Variants in ITPR1 observed in about 807,000 individuals in gnomAD.
ITPR1 encodes the protein inositol 1,4,5-trisphosphate receptor type 1.
In ITPR1, 96 loss-of-function variants were observed where a neutral mutation model predicts 318.4. The ratio of observed to expected loss-of-function variants is 0.30; its 90% CI spans 0.26 to 0.36. The LOEUF is 0.36. ITPR1 is among the 10% of genes least tolerant of loss of function. ITPR1 has a pLI of 1.00. For synonymous variants in ITPR1, 1,312 were observed against 1,289.9 expected (o/e 1.02, Z -0.37); for missense variants, 2,440 against 3,460.2 (o/e 0.71, Z 7.40).
chr3:4,769,437 T>C (rs1293798820), intron 46 of ITPR1, among the ~76,000 whole-genome samples: 1 of 152,254 alleles, frequency 6.6e-6, no homozygotes, highest in Non-Finnish European at 1.5e-5. Flanking sequence ...TAATTAAATA[T>C]ATTAGATTTC....
At chr3:4,805,404 T>G (rs1168151849) in intron 54 of ITPR1, among the ~76,000 whole-genome samples, 1 of 152,206 alleles carries the variant, frequency 6.6e-6, no homozygotes, top group African/African-American at 2.4e-5. Context: ...TTTGGTCCTG[T>G]GTCTATCTCT....
chr3:4,528,388 A>G (rs1275153026), intron 4 of ITPR1, among the ~76,000 whole-genome samples: 1 of 152,194 alleles, frequency 6.6e-6, no homozygotes, highest in Non-Finnish European at 1.5e-5. Context: ...CCAGATGGGG[A>G]CACAGGCAGG....
chr3:4,781,419 G>C (rs980815234), intron 49 of ITPR1, among the ~76,000 whole-genome samples: 1 of 152,106 alleles, frequency 6.6e-6, no homozygotes, highest in East Asian at 1.9e-4. Flanking sequence ...TGGGCATTGC[G>C]GAGGGTCTTA....
At chr3:4,613,670 A>C (rs552678523) in intron 4 of ITPR1, among the ~76,000 whole-genome samples, 13 of 152,310 alleles carry the variant, frequency 8.5e-5, no homozygotes, top group Admixed American at 4.6e-4. Flanking sequence ...ATGTTTTTCC[A>C]GCAGTGCAAA....
At chr3:4,556,213 A>G (rs1232209120) in intron 4 of ITPR1, among the ~76,000 whole-genome samples, 2 of 152,152 alleles carry the variant, frequency 1.3e-5, no homozygotes, top group African/African-American at 4.8e-5. Context: ...TCTCACTAGT[A>G]ACATCCCCCA....
In ITPR1 at chr3:4,691,209, C is replaced by T. The variant is rs182840163; in HGVS notation, c.3894C>T (p.Asn1298=). The T allele has an allele frequency of 4.1e-4, 667 of 1,613,126 alleles. 3 individuals are homozygous for T. The African/African-American group carries it at 7.9e-3, about 19-fold the overall frequency. The part of the protein sequence containing the change: ...MNNFQLCSEI[N]ERVVQHFVHC... ...ATTTCCAGCTTTGCAGTGAGATCAA[C>T]GAGAGAGTTGTTCAGCACTTCGTTC... Residue 1298 remains asparagine, a synonymous_variant, in exon 32 of 62, where the codon AAC becomes AAT. Transcript: ENST00000649015.
At chr3:4,793,878 T>C (rs541020734) in intron 52 of ITPR1, among the ~76,000 whole-genome samples, 1 of 152,304 alleles carries the variant, frequency 6.6e-6, no homozygotes, top group African/African-American at 2.4e-5. Context: ...ATATGGGCGA[T>C]TAATAAATTA....
chr3:4,819,013 TGAG>T (rs2049498827), intron 60 of ITPR1, among the ~76,000 whole-genome samples: 2 of 152,190 alleles, frequency 1.3e-5, no homozygotes, highest in Admixed American at 6.5e-5. Flanking sequence ...TGGCTGCCTC[TGAG>T]GAGAAGGGGC....
chr3:4,814,089 A>G (rs976540262), intron 57 of ITPR1, among the ~76,000 whole-genome samples: 5 of 152,128 alleles, frequency 3.3e-5, no homozygotes, highest in Non-Finnish European at 7.4e-5. Flanking sequence ...GAGGCCTGTG[A>G]CTCAGAGTTG....
chr3:4,652,056 A>G, intron 10 of ITPR1, 67 bp from the exon 11 acceptor site: 1 of 1,200,628 alleles, frequency 8.3e-7, no homozygotes, highest in Non-Finnish European at 1.2e-6. Context: ...GACTTGTGAT[A>G]CCTCCGATTT....
intron 4 of ITPR1, among the ~76,000 whole-genome samples, chr3:4,612,208 C>T (rs1347470683): frequency 6.6e-6 from 1 of 151,740 alleles, no homozygotes; most frequent in African/African-American, 2.4e-5. Context: ...ATTACAGGCG[C>T]CCACCACCAC....
In ITPR1 at chr3:4,733,082, A is replaced by G; in HGVS notation, c.5221-6A>G. On this transcript the variant is annotated splice_region_variant and splice_polypyrimidine_tract_variant and intron_variant, in intron 42 of 61. Coordinates refer to ENST00000649015, the MANE Select transcript of ITPR1 (RefSeq NM_001378452.1). ...AAGCTGATTTTATTATCCTGTTTGA[A>G]TTAAGGGTGAGGCGCTCAGGCAAGT... 6.2e-7 allele frequency: 1 copy of G among 1,611,788 alleles called. No homozygotes were observed. The highest frequency in any genetic ancestry group is 1.3e-5 in the African/African-American group (1 of 75,004).
intron 60 of ITPR1, among the ~76,000 whole-genome samples, chr3:4,829,083 C>T (rs1477184208): frequency 6.6e-6 from 1 of 152,132 alleles, no homozygotes; most frequent in Non-Finnish European, 1.5e-5. Context: ...TAATGCTTTC[C>T]AGTTTGTGGG....
intron 4 of ITPR1, among the ~76,000 whole-genome samples, chr3:4,554,679 G>A (rs565442804): frequency 2.1e-5 from 3 of 142,636 alleles, no homozygotes; most frequent in Non-Finnish European, 3.1e-5. Context: ...CAGTTAACCC[G>A]GTGGTAACCT....
chr3:4,704,399 C>G (rs184612865), intron 36 of ITPR1, among the ~76,000 whole-genome samples: 1 of 152,264 alleles, frequency 6.6e-6, no homozygotes, highest in Admixed American at 6.5e-5. Flanking sequence ...GCGACAGGAG[C>G]GCAACTCTGT....
intron 4 of ITPR1, among the ~76,000 whole-genome samples, chr3:4,578,420 GA>G (rs2088921801): frequency 6.6e-6 from 1 of 152,116 alleles, no homozygotes; most frequent in Non-Finnish European, 1.5e-5. Flanking sequence ...TTCAAATGAG[GA>G]GTTGTGTGTC....
intron 57 of ITPR1, 115 bp downstream of exon 57, chr3:4,813,349 A>G (rs993899367): frequency 1.5e-6 from 1 of 678,458 alleles, no homozygotes; most frequent in Non-Finnish European, 2.5e-6. Flanking sequence ...AGGCTATAGC[A>G]AAGGGGAAAG....
chr3:4,736,026 T>C (rs1374044049), intron 44 of ITPR1, among the ~76,000 whole-genome samples: 1 of 152,246 alleles, frequency 6.6e-6, no homozygotes, highest in Non-Finnish European at 1.5e-5. Flanking sequence ...ACAACAGTCA[T>C]CTTAGAACAT....
chr3:4,678,088 A>G (rs1002455748), intron 24 of ITPR1, among the ~76,000 whole-genome samples: 1 of 152,126 alleles, frequency 6.6e-6, no homozygotes, highest in African/African-American at 2.4e-5. Flanking sequence ...GTAGAAATTC[A>G]TAAATGTTTA....
Sources: gnomAD v4.1 joint callset for allele counts (sites outside exome capture counted in the v4.1 genomes callset) on GRCh38, gnomAD v4.1.1 for gene constraint, MANE v1.5 for transcripts, NCBI Gene and HGNC (gene_info 2026-07-23, HGNC 2026-07-21) for gene names.